The following EDA variants were observed in gnomAD, a reference collection of about 807,000 sequenced individuals.
EDA encodes the protein ectodysplasin-A.
Under a neutral mutation model 23.6 loss-of-function variants are expected in EDA, and 2 were observed. The ratio of observed to expected loss-of-function variants is 0.08; its 90% CI spans 0.03 to 0.27. EDA has a LOEUF of 0.27. Ranked by LOEUF, EDA falls within the 10% of genes least tolerant of loss-of-function variation. EDA has a pLI of 1.00. For synonymous variants in EDA, 131 were observed against 132.0 expected, an observed-to-expected ratio of 0.99 and a Z score of 0.05; for missense variants, 229 against 324.2, an observed-to-expected ratio of 0.71 and a Z score of 2.26.
intron 1 of EDA, among the ~76,000 whole-genome samples, chrX:69,832,021 T>C (rs1361466157): frequency 8.9e-6 from 1 of 111,919 alleles, no homozygotes; most frequent in East Asian, 2.8e-4. Context: ...TCTTTTGCTG[T>C]GCAGAAGCTC....
intron 1 of EDA, among the ~76,000 whole-genome samples, chrX:69,853,980 A>C (rs1028699590): frequency 4.5e-5 from 5 of 111,725 alleles, no homozygotes; most frequent in African/African-American, 6.5e-5. Context: ...GCTTACCCTA[A>C]TCTGTGAGAT....
chrX:70,005,319 G>A (rs754761601), intron 2 of EDA, among the ~76,000 whole-genome samples: 10 of 111,095 alleles, frequency 9.0e-5, no homozygotes, highest in Non-Finnish European at 1.7e-4. Context: ...TGATTCAATG[G>A]AAGGTACAAT....
chrX:69,959,578 TA>T lies in EDA; in HGVS notation c.502+2448del, dbSNP rs1213435809. Among the ~76,000 whole-genome samples, 4 of 111,953 alleles carry T rather than the reference TA, an allele frequency of 3.6e-5. No individual in the cohort carries two copies. In the East Asian group the frequency reaches 1.1e-3, roughly 31 times the overall value. On this transcript the variant is annotated intron_variant, in intron 2 of 7. Transcript: ENST00000374552. ...ATATAGTACTTGAATAAACATTCAA[TA>T]AGGATTTTTTTTAATATTCCCACTG...
At position 70,037,250 on chromosome X, in the gene EDA, G is replaced by A. The variant is rs950484357; in HGVS notation, c.*1641G>A. On this transcript the variant is annotated 3_prime_UTR_variant, in exon 8 of 8. Coordinates refer to ENST00000374552, the MANE Select transcript of EDA (RefSeq NM_001399.5). ...CAGCGGGTACTTATTTCTCAGCTGT[G>A]CCTTCCCTTTCTAAGCAACCACACT... 5 of 111,837 alleles carry A rather than the reference G, an allele frequency of 4.5e-5. No homozygotes were observed. Among genetic ancestry groups the A allele is most frequent in the African/African-American group, 1.6e-4 (5 of 30,718 alleles). The allele number at this position is 111,837 out of a possible 1,213,427, so 9.2% of individuals were successfully genotyped here. A position where few individuals can be genotyped will look rare whatever the true frequency, so the allele number is the denominator to read the frequency against.
intron 1 of EDA, among the ~76,000 whole-genome samples, chrX:69,834,207 A>T (rs2016705781): frequency 1.8e-5 from 2 of 110,379 alleles, no homozygotes; most frequent in African/African-American, 6.6e-5. Context: ...AGTTCTGTAG[A>T]TGTCTATTAG....
chrX:69,819,694 G>C (rs1410340126), intron 1 of EDA, among the ~76,000 whole-genome samples: 1 of 110,914 alleles, frequency 9.0e-6, no homozygotes, highest in Non-Finnish European at 1.9e-5. Flanking sequence ...TCTTCAAGGA[G>C]AACTTACAAA....
chrX:69,868,442 G>A (rs2017518118), intron 1 of EDA, among the ~76,000 whole-genome samples: 1 of 111,915 alleles, frequency 8.9e-6, no homozygotes, highest in African/African-American at 3.2e-5. Context: ...ATCTTGACAG[G>A]CCCCACACCA....
At chrX:69,786,332 G>C (rs1206529781) in intron 1 of EDA, among the ~76,000 whole-genome samples, 1 of 108,117 alleles carries the variant, frequency 9.2e-6, no homozygotes, top group Non-Finnish European at 1.9e-5. Context: ...CCTTCTGCTA[G>C]CTTTTGAATG....
At chrX:69,696,088 A>G (rs753298588) in intron 1 of EDA, among the ~76,000 whole-genome samples, 2 of 110,307 alleles carry the variant, frequency 1.8e-5, no homozygotes, top group Admixed American at 1.9e-4. Flanking sequence ...AAAAATACAA[A>G]ATTAGCTGGG....
chrX:69,857,249 G>C (rs1265843000), intron 1 of EDA, among the ~76,000 whole-genome samples: 1 of 111,862 alleles, frequency 8.9e-6, no homozygotes, highest in African/African-American at 3.3e-5. Flanking sequence ...TTTTATACCA[G>C]CACCATGCTG....
chrX:69,785,146 T>A (rs1293573708), intron 1 of EDA, among the ~76,000 whole-genome samples: 1 of 101,850 alleles, frequency 9.8e-6, no homozygotes, highest in Non-Finnish European at 2.0e-5. Context: ...TGATTTTGTA[T>A]CCTGAGACTT....
intron 1 of EDA, among the ~76,000 whole-genome samples, chrX:69,639,182 G>A (rs749737388): frequency 1.6e-4 from 18 of 111,351 alleles, no homozygotes; most frequent in Non-Finnish European, 2.1e-4. Context: ...GGACACTTGG[G>A]TTGCTTCCAC....
intron 1 of EDA, among the ~76,000 whole-genome samples, chrX:69,955,816 C>T (rs1342469368): frequency 4.5e-5 from 5 of 111,902 alleles, no homozygotes; most frequent in Non-Finnish European, 9.4e-5. Flanking sequence ...CCAGGTTATA[C>T]AGCTAGTAAG....
At chrX:69,799,126 T>C (rs184707419) in intron 1 of EDA, among the ~76,000 whole-genome samples, 1 of 111,398 alleles carries the variant, frequency 9.0e-6, no homozygotes, top group African/African-American at 3.3e-5. Flanking sequence ...CACTGGGAAA[T>C]CTGGATAAAT....
At chrX:69,776,570 T>A (rs1027210955) in intron 1 of EDA, among the ~76,000 whole-genome samples, 7 of 111,509 alleles carry the variant, frequency 6.3e-5, no homozygotes, top group South Asian at 7.6e-4. Flanking sequence ...CTCTTTTTTT[T>A]AAATAAATTA....
At chrX:69,645,985 C>T (rs758790592) in intron 1 of EDA, among the ~76,000 whole-genome samples, 2 of 110,885 alleles carry the variant, frequency 1.8e-5, no homozygotes, top group African/African-American at 3.3e-5. Context: ...TCAATTTACA[C>T]GCAGTTTTGT....
At chrX:69,753,812 C>G (rs1464207426) in intron 1 of EDA, among the ~76,000 whole-genome samples, 3 of 111,149 alleles carry the variant, frequency 2.7e-5, no homozygotes, top group Non-Finnish European at 3.8e-5. Flanking sequence ...TGAATTAAAC[C>G]CTTTACCATT....
intron 1 of EDA, among the ~76,000 whole-genome samples, chrX:69,680,947 C>T (rs1257724750): frequency 9.3e-6 from 1 of 107,494 alleles, no homozygotes; most frequent in Non-Finnish European, 1.9e-5. Flanking sequence ...CATGATTTTG[C>T]AGCGGCTGGT....
chrX:69,670,392 A>G (rs1370306083), intron 1 of EDA: 11 of 295,990 alleles, frequency 3.7e-5, no homozygotes, highest in Admixed American at 6.3e-5. Flanking sequence ...CCCTTTGGGT[A>G]GTAACTGTTT....
Sources: gnomAD v4.1 joint callset for allele counts (sites outside exome capture counted in the v4.1 genomes callset) on GRCh38, gnomAD v4.1.1 for gene constraint, MANE v1.5 for transcripts, NCBI Gene and HGNC (gene_info 2026-07-23, HGNC 2026-07-21) for gene names.